The following PSMC6 variants were observed in gnomAD, a reference collection of about 807,000 sequenced individuals.
PSMC6 encodes the protein 26S proteasome regulatory subunit 10B.
In PSMC6, 3 loss-of-function variants were observed where a neutral mutation model predicts 55.9. The ratio of observed to expected loss-of-function variants is 0.05; its 90% confidence interval spans 0.02 to 0.14. The LOEUF is 0.14. Among genes scored for constraint, PSMC6 ranks in the 10% least tolerant of loss-of-function variants. The probability of loss-of-function intolerance (pLI) is 1.00; values close to 1 mark genes in which losing one functional copy is unlikely to be tolerated. For missense variants in PSMC6, 210 were observed against 478.7 expected (o/e 0.44, Z 5.24); for synonymous variants, 137 against 155.9 (o/e 0.88, Z 0.90).
chr14:52,713,914 T>C lies in PSMC6; in HGVS notation c.475T>C (p.Phe159Leu), dbSNP rs779580328. Residue 159 changes from phenylalanine (F) to leucine (L), a missense_variant, in exon 7 of 14, where the codon TTT becomes CTT. Around this residue, in one of 4 missense-constraint regions of PSMC6, gnomAD observed 101 missense variants for 250.4 expected, o/e 0.40. Coordinates refer to ENST00000445930, the MANE Select transcript of PSMC6 (RefSeq NM_002806.5). ...IELPLTNPEL[F>L]QRVGIIPPKG... ...ATTACCTCTTACAAACCCAGAGTTA[T>C]TTCAGCGTGTAGGAATAATACCTCC... is the stretch of plus-strand genomic sequence containing the variant. 2.1e-5 allele frequency: 33 copies of C among 1,601,446 alleles called. No homozygotes were observed. Among genetic ancestry groups the C allele is most frequent in the Admixed American group, 3.4e-5 (2 of 59,626 alleles).
At position 52,719,168 on chromosome 14, in the gene PSMC6, G is replaced by T; in HGVS notation, c.777+130G>T. 4.7e-6 allele frequency: 4 copies of T among 855,476 alleles called. No individual in the cohort carries two copies. The South Asian group carries it at 7.4e-5, about 16-fold the overall frequency. 53.0% of individuals were successfully genotyped at this position (855,476 alleles called of 1,614,324 possible). The stretch of plus-strand genomic sequence containing the variant: ...ATATGAAATTTGAAAATATTGTCAG[G>T]AACAAACATGTTTCTCTATCACAAA... On this transcript the variant is annotated intron_variant, in intron 10 of 13. Transcript: ENST00000445930.
At position 52,723,586 on chromosome 14, in the gene PSMC6, T is replaced by C. The variant is rs1398673345; in HGVS notation, c.980-379T>C. On this transcript the variant is annotated intron_variant, in intron 12 of 13. Transcript: ENST00000445930. Reference sequence around the variant, plus strand: ...TTAAAGTAAACAAAGTAAATTCCATTGTTATAATTGGTTTTGAGTGTTATA... The same window carrying C: ...TTAAAGTAAACAAAGTAAATTCCATCGTTATAATTGGTTTTGAGTGTTATA... 1.8e-5 allele frequency: 3 copies of C among 168,848 alleles called. No individual in the cohort carries two copies. In the South Asian group the frequency reaches 5.4e-4, roughly 30 times the overall value. The allele number at this position is 168,848 out of a possible 1,614,324, so 10.5% of individuals were successfully genotyped here.
In PSMC6 at chr14:52,728,160, G is replaced by A. The variant is rs1436264072; in HGVS notation, c.*543G>A. On this transcript the variant is annotated 3_prime_UTR_variant, in exon 14 of 14. Transcript: ENST00000445930. The stretch of plus-strand genomic sequence containing the variant: ...ATCTTCTTAAATAAAACATGGATGT[G>A]TGGGTATGTCTGTACTCCTCCTTTC... The A allele has an allele frequency of 6.5e-6, 1 of 152,892 alleles. No individual in the cohort carries two copies. The highest frequency in any genetic ancestry group is 1.5e-5 in the Non-Finnish European group (1 of 68,584). The allele number at this position is 152,892 out of a possible 1,614,324, so 9.5% of individuals were successfully genotyped here.
intron 6 of PSMC6, 48 bp downstream of exon 6, chr14:52,711,572 T>C (rs2041772956): frequency 2.3e-6 from 3 of 1,286,406 alleles, no homozygotes; most frequent in Non-Finnish European, 2.2e-6. Flanking sequence ...TAAATACTAC[T>C]AGTTTTAGGA....
At chr14:52,713,753 A>G (rs1472664838) in intron 6 of PSMC6, 128 bp from the exon 7 acceptor site, 3 of 525,234 alleles carry the variant, frequency 5.7e-6, no homozygotes, top group Admixed American at 3.3e-5. Flanking sequence ...TTTACCTAGC[A>G]TGGAAGTCTA....
intron 4 of PSMC6, chr14:52,709,467 A>G: frequency 2.9e-6 from 1 of 344,336 alleles, no homozygotes; most frequent in Non-Finnish European, 5.6e-6. Context: ...TTAATCCAGG[A>G]ACTATAAATC....
intron 13 of PSMC6, among the ~76,000 whole-genome samples, chr14:52,724,751 C>A (rs1880334715): frequency 6.6e-6 from 1 of 152,082 alleles, no homozygotes; most frequent in African/African-American, 2.4e-5. Context: ...CTTTAATACC[C>A]TACCTAGAAT....
At chr14:52,709,090 T>A in intron 4 of PSMC6, 1 of 277,652 alleles carries the variant, frequency 3.6e-6, no homozygotes, top group Non-Finnish European at 6.8e-6. Flanking sequence ...AAAACAGACA[T>A]TTTATTTTAA....
chr14:52,708,736 A>G (rs1473234565), intron 3 of PSMC6, 28 bp from the exon 4 acceptor site: 3 of 1,610,608 alleles, frequency 1.9e-6, no homozygotes, highest in South Asian at 1.1e-5. Context: ...CTATTTTTCA[A>G]TTAGTTCTTT....
intron 6 of PSMC6, 125 bp from the exon 7 acceptor site, chr14:52,713,756 G>T: frequency 1.9e-6 from 1 of 528,570 alleles, no homozygotes. Flanking sequence ...ACCTAGCATG[G>T]AAGTCTAGGT....
chr14:52,721,245 C>G, intron 12 of PSMC6, 55 bp downstream of exon 12: 2 of 1,373,906 alleles, frequency 1.5e-6, no homozygotes, highest in Non-Finnish European at 2.0e-6. Context: ...AAGAAAAATA[C>G]TTTTAGAAAT....
intron 10 of PSMC6, among the ~76,000 whole-genome samples, chr14:52,720,058 A>G (rs778186557): frequency 7.9e-5 from 12 of 151,954 alleles, no homozygotes; most frequent in Admixed American, 2.0e-4. Flanking sequence ...CACCATCTCT[A>G]GTAAAGATAC....
At position 52,708,848 on chromosome 14, in the gene PSMC6, A is replaced by C. The variant is rs200158589; in HGVS notation, c.258+32A>C. 1.6e-4 allele frequency: 260 copies of C among 1,607,168 alleles called. 3 individuals are homozygous for C. The East Asian group carries it at 5.7e-3, about 35-fold the overall frequency. ...CTTTATATTTGTATAGTGCCTGATG[A>C]TTGACAAAGCAGTTTCATGTAAGTT... is the stretch of plus-strand genomic sequence containing the variant. On this transcript the variant is annotated intron_variant, in intron 4 of 13. Coordinates refer to ENST00000445930, the MANE Select transcript of PSMC6 (RefSeq NM_002806.5).
chr14:52,714,368 C>T (rs1416419438), intron 7 of PSMC6, among the ~76,000 whole-genome samples: 2 of 152,108 alleles, frequency 1.3e-5, no homozygotes, highest in Non-Finnish European at 2.9e-5. Flanking sequence ...GTGGGCAGTT[C>T]CAACTTCTCC....
intron 4 of PSMC6, chr14:52,709,611 A>G (rs1202273959): frequency 2.2e-6 from 1 of 455,854 alleles, no homozygotes; most frequent in Non-Finnish European, 4.4e-6. Context: ...TTTCTAAGAT[A>G]TTTCAGGTTG....
chr14:52,716,064 GC>G (rs1279965231), intron 7 of PSMC6, among the ~76,000 whole-genome samples: 3 of 152,180 alleles, frequency 2.0e-5, no homozygotes, highest in Non-Finnish European at 4.4e-5. Context: ...AATAATCAAT[GC>G]TTGATATTAA....
intron 1 of PSMC6, 57 bp downstream of exon 1, chr14:52,707,361 C>A: frequency 6.2e-7 from 1 of 1,604,506 alleles, no homozygotes. Context: ...CTGCCTCTGA[C>A]AAAGCAGAAG....
At chr14:52,708,212 G>A in intron 1 of PSMC6, 97 bp from the exon 2 acceptor site, 2 of 1,035,262 alleles carry the variant, frequency 1.9e-6, no homozygotes, top group Non-Finnish European at 2.9e-6. Flanking sequence ...CTTAGGTAAA[G>A]TGAAGTAGAC....
Position 52,711,394 on chromosome 14 carries a change from T to C in PSMC6, c.327-16T>C. 6.4e-7 allele frequency: 1 copy of C among 1,566,772 alleles called. No homozygotes were observed. The highest frequency in any genetic ancestry group is 8.8e-7 in the Non-Finnish European group (1 of 1,142,668). ...ATATATCTTTCAAAAGAAAAATACATACCTTTTCATTCTAGATATTTGCCG... is the reference window on the plus strand; with the variant it reads ...ATATATCTTTCAAAAGAAAAATACACACCTTTTCATTCTAGATATTTGCCG... On this transcript the variant is annotated splice_polypyrimidine_tract_variant and intron_variant, in intron 5 of 13. Transcript: ENST00000445930.
Sources: allele counts gnomAD v4.1 joint callset (sites outside exome capture counted in the v4.1 genomes callset), GRCh38; gene constraint gnomAD v4.1.1; regional missense constraint gnomAD v4.1.1; transcripts MANE v1.5; gene names NCBI Gene and HGNC (gene_info 2026-07-23, HGNC 2026-07-21).